The following VPS13A variants were observed in gnomAD, a reference collection of about 807,000 sequenced individuals.
VPS13A encodes intermembrane lipid transfer protein VPS13A.
Under a neutral mutation model 390.9 loss-of-function variants are expected in VPS13A, and 264 were observed. The observed-to-expected ratio is 0.68, with a 90% CI of 0.61 to 0.75. VPS13A has a LOEUF of 0.75. Ranked by LOEUF, VPS13A falls within the 30% of genes least tolerant of loss-of-function variation. The pLI is 0.00. For missense variants in VPS13A, 3,409 were observed against 3,733.9 expected (o/e 0.91, Z 2.27); for synonymous variants, 1,231 against 1,227.1 (o/e 1.00, Z -0.07).
At chr9:77,205,136 T>G (rs1825560994) in intron 3 of VPS13A, among the ~76,000 whole-genome samples, 177 bp from the exon 4 acceptor site, 2 of 152,194 alleles carry the variant, frequency 1.3e-5, no homozygotes, top group South Asian at 2.1e-4. Context: ...TTCAAATCAT[T>G]ACAACAAACA....
At chr9:77,211,986 G>T (rs1825998228) in intron 7 of VPS13A, among the ~76,000 whole-genome samples, 1 of 152,178 alleles carries the variant, frequency 6.6e-6, no homozygotes, top group Non-Finnish European at 1.5e-5. Context: ...GATCTAGGTT[G>T]TGCCCCTGAT....
At chr9:77,357,609 T>C (rs988129127) in intron 55 of VPS13A, 83 bp from the exon 56 acceptor site, 7 of 1,430,474 alleles carry the variant, frequency 4.9e-6, no homozygotes, top group Non-Finnish European at 6.7e-6. Flanking sequence ...GCTTACTGTT[T>C]TAAAAAGTTT....
Position 77,284,350 on chromosome 9 carries a change from G to T in VPS13A, c.3339+700G>T, listed in dbSNP as rs73467904. ...TGAGAAGAAAGGAAATAGATAAATA[G>T]ATTTTGCCAGTAATACTGTAGTGAT... On this transcript the variant is annotated intron_variant, in intron 31 of 71. Transcript: ENST00000360280. Among the ~76,000 whole-genome samples, 1,183 of 152,162 alleles carry T rather than the reference G, an allele frequency of 7.8e-3. 18 individuals are homozygous for T. Among genetic ancestry groups the T allele is most frequent in the African/African-American group, 0.027 (1,111 of 41,488 alleles).
rs552296219 is a variant in VPS13A, at chr9:77,301,794, A to G, written c.3813-1121A>G. 7.2e-5 allele frequency among the ~76,000 whole-genome samples: 11 copies of G among 152,262 alleles called. No individual in the cohort carries two copies. The South Asian group carries it at 2.3e-3, about 32-fold the overall frequency. Reference sequence around the variant, plus strand: ...ATATAGTTCAATTTAAATTGTATGTATTCAGCTATTTTAACTCATAGAAAT... The same window carrying G: ...ATATAGTTCAATTTAAATTGTATGTGTTCAGCTATTTTAACTCATAGAAAT... On this transcript the variant is annotated intron_variant, in intron 33 of 71. Transcript: ENST00000360280.
intron 67 of VPS13A, among the ~76,000 whole-genome samples, chr9:77,373,819 G>T (rs1342213992): frequency 6.6e-6 from 1 of 151,740 alleles, no homozygotes; most frequent in Non-Finnish European, 1.5e-5. Flanking sequence ...ATCAAAAAGT[G>T]GGCGAAGGAC....
At chr9:77,246,136 G>A (rs1028693898) in intron 19 of VPS13A, among the ~76,000 whole-genome samples, 3 of 152,194 alleles carry the variant, frequency 2.0e-5, no homozygotes, top group Non-Finnish European at 4.4e-5. Flanking sequence ...GTCAGCATGA[G>A]TTTTGGAGGG....
chr9:77,275,984 A>C, intron 25 of VPS13A, 81 bp from the exon 26 acceptor site: 5 of 1,423,456 alleles, frequency 3.5e-6, no homozygotes, highest in Non-Finnish European at 4.9e-6. Flanking sequence ...TGTATACCTC[A>C]TATATTCACA....
chr9:77,275,993 C>T (rs1048368455), intron 25 of VPS13A, 72 bp from the exon 26 acceptor site: 6 of 1,498,028 alleles, frequency 4.0e-6, no homozygotes, highest in Admixed American at 3.4e-5. Context: ...CATATATTCA[C>T]ATGTAACCAC....
chr9:77,408,850 G>C (rs936988770), intron 71 of VPS13A, among the ~76,000 whole-genome samples: 7 of 152,230 alleles, frequency 4.6e-5, no homozygotes, highest in African/African-American at 1.7e-4. Context: ...GCCTGCCTCT[G>C]TAGACTCCAC....
intron 55 of VPS13A, 121 bp downstream of exon 55, chr9:77,356,988 T>C (rs1416641404): frequency 3.7e-6 from 4 of 1,082,832 alleles, no homozygotes; most frequent in Non-Finnish European, 5.4e-6. Flanking sequence ...CTGTCATACA[T>C]ACCTTGTATA....
intron 68 of VPS13A, among the ~76,000 whole-genome samples, chr9:77,393,033 A>G (rs186613755): frequency 6.6e-6 from 1 of 152,274 alleles, no homozygotes; most frequent in East Asian, 1.9e-4. Context: ...TTTTACCCTC[A>G]ATAGAACTTC....
chr9:77,325,389 T>C (rs1022968857), intron 45 of VPS13A, among the ~76,000 whole-genome samples: 1 of 150,016 alleles, frequency 6.7e-6, no homozygotes, highest in Non-Finnish European at 1.5e-5. Flanking sequence ...AGCCACCATG[T>C]AGTTAGACCT....
chr9:77,336,383 AT>A (rs1050637128), intron 46 of VPS13A, among the ~76,000 whole-genome samples: 13 of 152,300 alleles, frequency 8.5e-5, no homozygotes, highest in Non-Finnish European at 1.9e-4. Context: ...AGAAAAAAAA[AT>A]AATAAAGTAA....
chr9:77,359,209 T>G, intron 57 of VPS13A, 124 bp from the exon 58 acceptor site: 1 of 825,716 alleles, frequency 1.2e-6, no homozygotes, highest in South Asian at 1.6e-5. Flanking sequence ...CCAATATCAG[T>G]AATTTTAACT....
At chr9:77,287,632 A>G (rs1453178075) in intron 31 of VPS13A, among the ~76,000 whole-genome samples, 2 of 152,206 alleles carry the variant, frequency 1.3e-5, no homozygotes, top group Admixed American at 1.3e-4. Flanking sequence ...GTAATGTGAC[A>G]GGTAATAATT....
intron 31 of VPS13A, among the ~76,000 whole-genome samples, chr9:77,290,008 T>C (rs1398128021): frequency 2.6e-5 from 4 of 152,118 alleles, no homozygotes; most frequent in South Asian, 2.1e-4. Flanking sequence ...CTTGAACTCT[T>C]TGACCTCAGG....
intron 45 of VPS13A, among the ~76,000 whole-genome samples, chr9:77,329,446 G>T (rs1338274675): frequency 1.3e-5 from 2 of 152,184 alleles, no homozygotes; most frequent in Non-Finnish European, 2.9e-5. Flanking sequence ...TTATTTGAAA[G>T]AGGCCATTGG....
Position 77,321,232 on chromosome 9 carries a change from C to G in VPS13A, c.5479C>G (p.Pro1827Ala). ...TCCTGAAGAAGAAAACTACAAAGTGCCAGAATATAAAACTGTCATCAGTTT... is the reference window on the plus strand; with the variant it reads ...TCCTGAAGAAGAAAACTACAAAGTGGCAGAATATAAAACTGTCATCAGTTT... ...SDPEEENYKVPEYKTVISFHS... is the reference protein window; with the variant it reads ...SDPEEENYKVAEYKTVISFHS... Residue 1827 changes from proline to alanine, a missense_variant, in exon 43 of 72, where the codon CCA becomes GCA. Pro to Ala is a conservative substitution (Grantham distance 27). This residue lies in a region of VPS13A where 2,717 missense variants were observed against 2,917.4 expected (regional missense o/e 0.93). Transcript: ENST00000360280. 1.9e-6 allele frequency: 3 copies of G among 1,612,242 alleles called. No homozygotes were observed. Among genetic ancestry groups the G allele is most frequent in the Non-Finnish European group, 1.7e-6 (2 of 1,179,002 alleles).
At chr9:77,204,791 A>AT (rs1339391063) in intron 3 of VPS13A, among the ~76,000 whole-genome samples, 1 of 151,870 alleles carries the variant, frequency 6.6e-6, no homozygotes, top group Non-Finnish European at 1.5e-5. Flanking sequence ...CGCCTGGCTA[A>AT]TTTTTTTAGT....
Sources: allele counts gnomAD v4.1 joint callset (sites outside exome capture counted in the v4.1 genomes callset), GRCh38; gene constraint gnomAD v4.1.1; regional missense constraint gnomAD v4.1.1; transcripts MANE v1.5; gene names NCBI Gene and HGNC (gene_info 2026-07-23, HGNC 2026-07-21).